The following SVEP1 variants were observed in gnomAD, a reference collection of about 807,000 sequenced individuals.
SVEP1 encodes the protein sushi, von Willebrand factor type A, EGF and pentraxin domain containing 1.
Under a neutral mutation model 367.3 loss-of-function variants are expected in SVEP1, and 164 were observed. That is an observed-to-expected ratio of 0.45 (90% CI 0.39 to 0.51). The LOEUF (loss-of-function observed/expected upper bound fraction) is 0.51, where lower values mean the gene tolerates loss of function less well. Ranked by LOEUF, SVEP1 falls within the 20% of genes least tolerant of loss-of-function variation. The pLI is 0.00. For missense variants in SVEP1, 4,117 were observed against 4,425.3 expected, an observed-to-expected ratio of 0.93 and a Z score of 1.98; for synonymous variants, 1,666 against 1,611.6, an observed-to-expected ratio of 1.03 and a Z score of -0.81.
intron 1 of SVEP1, among the ~76,000 whole-genome samples, chr9:110,570,716 G>C (rs747437218): frequency 6.6e-6 from 1 of 151,884 alleles, no homozygotes; most frequent in Non-Finnish European, 1.5e-5. Context: ...CCTGACCTCA[G>C]GTGATCTGCC....
At chr9:110,430,168 A>T (rs914978794) in intron 33 of SVEP1, 106 bp downstream of exon 33, 2 of 1,255,224 alleles carry the variant, frequency 1.6e-6, no homozygotes, top group Admixed American at 2.5e-5. Context: ...CTAATACCTC[A>T]GTTCAAATAC....
chr9:110,483,795 C>T, intron 9 of SVEP1, 102 bp from the exon 10 acceptor site: 1 of 744,576 alleles, frequency 1.3e-6, no homozygotes, highest in Non-Finnish European at 2.0e-6. Flanking sequence ...GGCAGACAGC[C>T]TTGAGCTTGC....
intron 1 of SVEP1, among the ~76,000 whole-genome samples, chr9:110,568,424 C>T (rs1290894402): frequency 6.6e-6 from 1 of 152,118 alleles, no homozygotes; most frequent in African/African-American, 2.4e-5. Flanking sequence ...TGGGAAATTC[C>T]TTGATTGGTA....
chr9:110,472,363 G>T, intron 14 of SVEP1, 40 bp from the exon 15 acceptor site: 1 of 1,522,372 alleles, frequency 6.6e-7, no homozygotes, highest in East Asian at 2.3e-5. Context: ...TCACACAGTT[G>T]CTTTTTCGTC....
At chr9:110,568,497 T>C (rs1830517110) in intron 1 of SVEP1, among the ~76,000 whole-genome samples, 1 of 152,184 alleles carries the variant, frequency 6.6e-6, no homozygotes, top group Non-Finnish European at 1.5e-5. Flanking sequence ...CATATTGCTC[T>C]GGAAATATGA....
chr9:110,425,594 G>T (rs540411161), intron 36 of SVEP1, among the ~76,000 whole-genome samples: 2 of 152,266 alleles, frequency 1.3e-5, no homozygotes, highest in South Asian at 2.1e-4. Flanking sequence ...GATTCACATA[G>T]AATTCCTCTA....
intron 36 of SVEP1, among the ~76,000 whole-genome samples, chr9:110,423,184 G>GAAAAAAAAAAAAAAAAAA (rs1404736217): frequency 1.1e-5 from 1 of 91,030 alleles, no homozygotes; most frequent in Non-Finnish European, 2.2e-5. Flanking sequence ...AAAAAAAAAA[G>GAAAAAAAAAAAAAAAAAA]AAAAAAAAAA....
intron 3 of SVEP1, among the ~76,000 whole-genome samples, chr9:110,537,631 G>A (rs1209989221): frequency 6.6e-6 from 1 of 151,886 alleles, no homozygotes; most frequent in African/African-American, 2.4e-5. Flanking sequence ...TAAGAAGCCA[G>A]CAAAATTTCT....
intron 3 of SVEP1, among the ~76,000 whole-genome samples, chr9:110,522,991 A>T (rs537537225): frequency 6.6e-6 from 1 of 152,216 alleles, no homozygotes; most frequent in East Asian, 1.9e-4. Flanking sequence ...TGCCAAATTA[A>T]ATTCCTATTG....
At chr9:110,539,473 A>G (rs1830117746) in intron 3 of SVEP1, among the ~76,000 whole-genome samples, 1 of 152,068 alleles carries the variant, frequency 6.6e-6, no homozygotes, top group Non-Finnish European at 1.5e-5. Context: ...TGAATTTTAT[A>G]TAACTCATTC....
intron 43 of SVEP1, among the ~76,000 whole-genome samples, chr9:110,381,602 T>C (rs541607912): frequency 2.6e-5 from 4 of 152,334 alleles, no homozygotes; most frequent in East Asian, 1.9e-4. Context: ...AGGAGTGTTT[T>C]AGTTCCAATT....
At chr9:110,473,939 C>A (rs187138825) in intron 14 of SVEP1, among the ~76,000 whole-genome samples, 94 of 152,256 alleles carry the variant, frequency 6.2e-4, no homozygotes, top group African/African-American at 2.0e-3. Flanking sequence ...TACATTCTTG[C>A]CAACTGTGGG....
intron 18 of SVEP1, among the ~76,000 whole-genome samples, chr9:110,461,867 T>C (rs1446540409): frequency 2.6e-5 from 4 of 152,208 alleles, no homozygotes; most frequent in Non-Finnish European, 5.9e-5. Flanking sequence ...TAATTTACTC[T>C]TTGATTGATA....
chr9:110,446,370 G>C (rs1408654801), intron 25 of SVEP1, among the ~76,000 whole-genome samples: 1 of 152,166 alleles, frequency 6.6e-6, no homozygotes, highest in Non-Finnish European at 1.5e-5. Flanking sequence ...TCAGTAGAGA[G>C]GAAGTAATTG....
At chr9:110,427,266 C>T (rs1237554471) in intron 36 of SVEP1, among the ~76,000 whole-genome samples, 3 of 145,756 alleles carry the variant, frequency 2.1e-5, no homozygotes, top group Non-Finnish European at 4.5e-5. Flanking sequence ...CCAATGCACT[C>T]CAGCCTGGGC....
chr9:110,495,485 C>T (rs1829431728), intron 8 of SVEP1, among the ~76,000 whole-genome samples: 1 of 152,132 alleles, frequency 6.6e-6, no homozygotes, highest in Admixed American at 6.5e-5. Flanking sequence ...CACAAACCAC[C>T]TAAAGTGCAT....
intron 43 of SVEP1, among the ~76,000 whole-genome samples, chr9:110,380,634 G>A (rs1441787315): frequency 2.0e-5 from 3 of 152,186 alleles, no homozygotes; most frequent in Non-Finnish European, 4.4e-5. Context: ...GTTCATCGGG[G>A]AAATTGGCCT....
intron 3 of SVEP1, among the ~76,000 whole-genome samples, chr9:110,524,575 T>C (rs891554205): frequency 3.3e-5 from 5 of 152,112 alleles, no homozygotes; most frequent in Non-Finnish European, 7.4e-5. Flanking sequence ...CAAGGTCACG[T>C]CAATTGATGA....
intron 47 of SVEP1, among the ~76,000 whole-genome samples, chr9:110,367,486 C>G (rs887718165): frequency 3.9e-5 from 6 of 152,186 alleles, no homozygotes; most frequent in African/African-American, 1.4e-4. Context: ...AACTTTAAGG[C>G]ATTCAGTCTC....
Sources: gnomAD v4.1 joint callset for allele counts (sites outside exome capture counted in the v4.1 genomes callset) on GRCh38, gnomAD v4.1.1 for gene constraint, MANE v1.5 for transcripts, NCBI Gene and HGNC (gene_info 2026-07-23, HGNC 2026-07-21) for gene names.